Variants in ZNF131 observed in about 807,000 individuals in gnomAD.
ZNF131 encodes the protein zinc finger protein 131.
Under a neutral mutation model 60.0 loss-of-function variants are expected in ZNF131, and 7 were observed. The ratio of observed to expected loss-of-function variants is 0.12; its 90% confidence interval spans 0.07 to 0.22. ZNF131 has a LOEUF of 0.22. Among genes scored for constraint, ZNF131 ranks in the 10% least tolerant of loss-of-function variants. The probability of loss-of-function intolerance (pLI) is 1.00; values close to 1 mark genes in which losing one functional copy is unlikely to be tolerated. For missense variants in ZNF131, 493 were observed against 740.9 expected (o/e 0.67, Z 3.88); for synonymous variants, 257 against 253.2 (o/e 1.01, Z -0.14).
chr5:43,140,704 C>G (rs1746705294), intron 4 of ZNF131, among the ~76,000 whole-genome samples: 1 of 152,120 alleles, frequency 6.6e-6, no homozygotes, highest in Admixed American at 6.6e-5. Context: ...TCTGAGGACT[C>G]TACTGGAATT....
chr5:43,142,429 G>A (rs1436325342), intron 4 of ZNF131, among the ~76,000 whole-genome samples: 1 of 149,662 alleles, frequency 6.7e-6, no homozygotes, highest in Admixed American at 6.6e-5. Context: ...TCAGCCTCCC[G>A]AGTAGCTGTG....
intron 3 of ZNF131, among the ~76,000 whole-genome samples, chr5:43,133,385 G>A (rs373935774): frequency 1.3e-5 from 2 of 152,080 alleles, no homozygotes; most frequent in African/African-American, 4.8e-5. Context: ...GAATCGTTTC[G>A]ATCTGGGGAG....
intron 4 of ZNF131, among the ~76,000 whole-genome samples, chr5:43,140,761 G>A (rs1370405389): frequency 1.3e-5 from 2 of 152,220 alleles, no homozygotes; most frequent in Non-Finnish European, 2.9e-5. Context: ...CTGTCTCCCA[G>A]ACTGGAGTGC....
chr5:43,139,115 A>G (rs1746492713), intron 3 of ZNF131, 50 bp from the exon 4 acceptor site: 1 of 1,388,470 alleles, frequency 7.2e-7, no homozygotes, highest in Admixed American at 2.6e-5. Flanking sequence ...TAAACATTGT[A>G]AGATTTGAGT....
At chr5:43,143,422 C>T in intron 4 of ZNF131, 2 of 1,431,764 alleles carry the variant, frequency 1.4e-6, no homozygotes, top group African/African-American at 1.5e-5. Context: ...CAGTGATCTG[C>T]TTCTCCACTG....
At chr5:43,139,067 C>A in intron 3 of ZNF131, 98 bp from the exon 4 acceptor site, 1 of 1,060,064 alleles carries the variant, frequency 9.4e-7, no homozygotes, top group Non-Finnish European at 1.3e-6. Flanking sequence ...AAAATAAATA[C>A]TCAACAAGCT....
chr5:43,154,803 C>G (rs535766517), intron 4 of ZNF131, among the ~76,000 whole-genome samples: 35 of 152,282 alleles, frequency 2.3e-4, no homozygotes, highest in Admixed American at 7.2e-4. Context: ...ATGAGTGACC[C>G]AGATAATTCC....
intron 3 of ZNF131, among the ~76,000 whole-genome samples, chr5:43,128,448 G>C (rs1744839815): frequency 6.6e-6 from 1 of 152,010 alleles, no homozygotes; most frequent in African/African-American, 2.4e-5. Context: ...GAGGTCAGGA[G>C]ATCGAGATCA....
intron 4 of ZNF131, among the ~76,000 whole-genome samples, chr5:43,151,262 C>T (rs772629648): frequency 1.3e-5 from 2 of 152,276 alleles, no homozygotes; most frequent in South Asian, 2.1e-4. Flanking sequence ...AAACTGCCCA[C>T]GGGATGTGCA....
rs200193662 is a variant in ZNF131, at chr5:43,146,904, A to AAT, written c.371+7608_371+7609dup. Among the ~76,000 whole-genome samples, 170 of 151,212 alleles carry AAT rather than the reference A, an allele frequency of 1.1e-3. 1 individual carries two copies. In the Middle Eastern group the frequency reaches 0.021, roughly 18 times the overall value. On this transcript the variant is annotated intron_variant, in intron 4 of 6. Coordinates refer to ENST00000682664, the MANE Select transcript of ZNF131 (RefSeq NM_001330707.2). ...ATGGATGACAGAAACTCCATCTCAA[A>AAT]ATATATATATATATGTATATATACA...
chr5:43,147,748 C>A (rs1207997524), intron 4 of ZNF131, among the ~76,000 whole-genome samples: 2 of 144,236 alleles, frequency 1.4e-5, no homozygotes, highest in East Asian at 2.2e-4. Flanking sequence ...AAAAAAAAAA[C>A]AGTTTGGAAG....
At chr5:43,144,780 A>G (rs1747365441) in intron 4 of ZNF131, among the ~76,000 whole-genome samples, 1 of 152,022 alleles carries the variant, frequency 6.6e-6, no homozygotes, top group Non-Finnish European at 1.5e-5. Flanking sequence ...TGGTACACGT[A>G]AAGCTCTTAA....
chr5:43,128,907 G>A (rs1744943295), intron 3 of ZNF131, among the ~76,000 whole-genome samples: 1 of 151,838 alleles, frequency 6.6e-6, no homozygotes, highest in Non-Finnish European at 1.5e-5. Context: ...AGGCCAGCTA[G>A]TCTTTGTATT....
intron 4 of ZNF131, among the ~76,000 whole-genome samples, chr5:43,144,184 A>C (rs922407623): frequency 9.5e-5 from 14 of 147,216 alleles, no homozygotes; most frequent in Non-Finnish European, 1.3e-4. Flanking sequence ...GGCCTCCCAA[A>C]GTGCTGGGAT....
At chr5:43,149,378 T>C (rs1748020800) in intron 4 of ZNF131, among the ~76,000 whole-genome samples, 1 of 152,214 alleles carries the variant, frequency 6.6e-6, no homozygotes, top group African/African-American at 2.4e-5. Flanking sequence ...GTATAAGTAG[T>C]TCATTCCTTT....
rs558828558 is a variant in ZNF131, at chr5:43,120,914, G to C, written c.-225G>C. The stretch of plus-strand genomic sequence containing the variant: ...GCTCGCGCCCGTAGCTGCCGCTGCC[G>C]GGGCCGCGGCCGCCCGGGTGCCCAA... On this transcript the variant is annotated 5_prime_UTR_variant, in exon 1 of 7. Coordinates refer to ENST00000682664, the MANE Select transcript of ZNF131 (RefSeq NM_001330707.2). The C allele has an allele frequency of 5.9e-5, 9 of 152,280 alleles. No homozygotes were observed. The highest frequency in any genetic ancestry group is 2.0e-4 in the Admixed American group (3 of 15,296). 9.4% of individuals were successfully genotyped at this position (152,280 alleles called of 1,614,324 possible).
intron 4 of ZNF131, among the ~76,000 whole-genome samples, chr5:43,152,500 C>T (rs923705607): frequency 6.6e-6 from 1 of 152,174 alleles, no homozygotes; most frequent in Non-Finnish European, 1.5e-5. Context: ...GAATGGCAAA[C>T]ACAGCAGTCA....
chr5:43,156,046 T>C (rs1748922378), intron 4 of ZNF131, among the ~76,000 whole-genome samples: 1 of 152,206 alleles, frequency 6.6e-6, no homozygotes, highest in South Asian at 2.1e-4. Flanking sequence ...GCTGCACTGT[T>C]CTGTTAGCTT....
chr5:43,133,160 T>A (rs1745584202), intron 3 of ZNF131, among the ~76,000 whole-genome samples: 1 of 152,124 alleles, frequency 6.6e-6, no homozygotes, highest in Admixed American at 6.6e-5. Flanking sequence ...CAATGATAAA[T>A]GCATAATTTT....
Sources: gnomAD v4.1 joint callset for allele counts (sites outside exome capture counted in the v4.1 genomes callset) on GRCh38, gnomAD v4.1.1 for gene constraint, MANE v1.5 for transcripts, NCBI Gene and HGNC (gene_info 2026-07-23, HGNC 2026-07-21) for gene names.